Variants in LGSN observed in about 807,000 individuals in gnomAD.
LGSN encodes lengsin, lens protein with glutamine synthetase domain.
In LGSN, 21 loss-of-function variants were observed where a neutral mutation model predicts 19.5. The observed-to-expected ratio is 1.07, with a 90% CI of 0.76 to 1.55. The LOEUF (loss-of-function observed/expected upper bound fraction) is 1.55. LGSN is among the 40% of genes most tolerant of loss of function. The pLI, the probability that LGSN is intolerant of heterozygous loss-of-function variation, is 0.00. For synonymous variants in LGSN, 257 were observed against 215.6 expected, an observed-to-expected ratio of 1.19 and a Z score of -1.68; for missense variants, 673 against 608.5, an observed-to-expected ratio of 1.11 and a Z score of -1.12.
the LGSN span, among the ~76,000 whole-genome samples, chr6:63,431,614 TTAAG>T: frequency 1.3e-5 from 2 of 152,186 alleles, no homozygotes; most frequent in African/African-American, 2.4e-5. Context: ...AATATAGATA[TTAAG>T]TATCTTTCTT....
chr6:63,467,422 A>G, the LGSN span, among the ~76,000 whole-genome samples: 1 of 152,168 alleles, frequency 6.6e-6, no homozygotes, highest in East Asian at 1.9e-4. Context: ...TAGTGCTGCA[A>G]TAACAAAATA....
the LGSN span, among the ~76,000 whole-genome samples, chr6:63,501,530 C>T: frequency 6.6e-6 from 1 of 152,044 alleles, no homozygotes; most frequent in South Asian, 2.1e-4. Flanking sequence ...AAACTGCATC[C>T]TTGATGAACT....
chr6:63,433,997 G>T, the LGSN span, among the ~76,000 whole-genome samples: 1 of 152,168 alleles, frequency 6.6e-6, no homozygotes. Flanking sequence ...AAAGGAGTAG[G>T]CAGTGTTAAG....
In LGSN at chr6:63,279,569, G is replaced by A. The variant is rs759319525; in HGVS notation, c.*452C>T. 11 of 152,774 alleles carry A rather than the reference G, an allele frequency of 7.2e-5. No homozygotes were observed. Among genetic ancestry groups the A allele is most frequent in the Admixed American group, 2.6e-4 (4 of 15,318 alleles). 9.5% of individuals were successfully genotyped at this position (152,774 alleles called of 1,614,324 possible). A position where few individuals can be genotyped will look rare whatever the true frequency, so the allele number is the denominator to read the frequency against. On this transcript the variant is annotated 3_prime_UTR_variant, in exon 4 of 4. Transcript: ENST00000370657. ...GGATTCACAATATTATTTGATTAGC[G>A]AGACTATATTAGTATATTTGTCTCC... is the stretch of plus-strand genomic sequence containing the variant.
At chr6:63,285,333 T>TA (rs1158206199) in intron 3 of LGSN, among the ~76,000 whole-genome samples, 1 of 152,184 alleles carries the variant, frequency 6.6e-6, no homozygotes, top group Non-Finnish European at 1.5e-5. Flanking sequence ...AAGGCAGGAC[T>TA]AAAATTACCA....
At chr6:63,508,301 C>G in the LGSN span, among the ~76,000 whole-genome samples, 6 of 152,276 alleles carry the variant, frequency 3.9e-5, no homozygotes, top group South Asian at 6.2e-4. Flanking sequence ...ATAGAGATAG[C>G]CAGATGGCTG....
the LGSN span, among the ~76,000 whole-genome samples, chr6:63,538,341 G>C: frequency 1.3e-5 from 2 of 152,210 alleles, no homozygotes; most frequent in African/African-American, 4.8e-5. Flanking sequence ...CATTGTTACA[G>C]GGATTTCCAT....
intron 1 of LGSN, among the ~76,000 whole-genome samples, chr6:63,298,302 TTGTA>T (rs1441300362): frequency 6.6e-6 from 1 of 152,216 alleles, no homozygotes; most frequent in Admixed American, 6.5e-5. Context: ...CTATCTGAAT[TTGTA>T]TGGGCACATT....
chr6:63,325,894 G>A, the LGSN span, among the ~76,000 whole-genome samples: 3 of 152,114 alleles, frequency 2.0e-5, no homozygotes, highest in Admixed American at 2.0e-4. Context: ...AGTGTGGAAG[G>A]GGACCCGAGT....
At chr6:63,525,698 A>T in the LGSN span, among the ~76,000 whole-genome samples, 1 of 151,584 alleles carries the variant, frequency 6.6e-6, no homozygotes, top group Non-Finnish European at 1.5e-5. Context: ...CCAACCTTTC[A>T]CCTTTCCCCC....
At chr6:63,287,826 G>T (rs1305277857) in intron 2 of LGSN, among the ~76,000 whole-genome samples, 2 of 152,034 alleles carry the variant, frequency 1.3e-5, no homozygotes, top group African/African-American at 4.8e-5. Context: ...AATTTTATTG[G>T]TTCACTAGTA....
chr6:63,353,670 A>C, the LGSN span, among the ~76,000 whole-genome samples: 2 of 152,102 alleles, frequency 1.3e-5, no homozygotes, highest in Non-Finnish European at 2.9e-5. Flanking sequence ...GAAACCAAAA[A>C]AGAGCCTGAG....
the LGSN span, among the ~76,000 whole-genome samples, chr6:63,352,825 G>A: frequency 6.6e-6 from 1 of 152,032 alleles, no homozygotes; most frequent in African/African-American, 2.4e-5. Context: ...TTAGATAAGA[G>A]TAAGGATTAA....
chr6:63,312,874 C>A (rs1323162350), intron 1 of LGSN, among the ~76,000 whole-genome samples: 1 of 152,118 alleles, frequency 6.6e-6, no homozygotes, highest in African/African-American at 2.4e-5. Context: ...TGAAAAATGA[C>A]AACCACATTT....
chr6:63,392,464 T>A, the LGSN span: 1 of 152,380 alleles, frequency 6.6e-6, no homozygotes, highest in Non-Finnish European at 1.5e-5. Flanking sequence ...CTGGCCACCC[T>A]ACTCCTGGCT....
At chr6:63,305,323 T>G (rs1483460826) in intron 1 of LGSN, among the ~76,000 whole-genome samples, 1 of 152,118 alleles carries the variant, frequency 6.6e-6, no homozygotes, top group Non-Finnish European at 1.5e-5. Context: ...TGAGACCAAA[T>G]AAGTCCATTT....
the LGSN span, among the ~76,000 whole-genome samples, chr6:63,467,083 A>G: frequency 6.6e-6 from 1 of 152,166 alleles, no homozygotes; most frequent in African/African-American, 2.4e-5. Context: ...GCAGCACTCC[A>G]CCATTAAAGG....
the LGSN span, among the ~76,000 whole-genome samples, chr6:63,564,133 G>A: frequency 1.8e-3 from 280 of 152,092 alleles, 1 homozygote; most frequent in African/African-American, 6.5e-3. Flanking sequence ...AAATTAGCCG[G>A]GTGTGGTGGC....
chr6:63,433,904 G>T, the LGSN span, among the ~76,000 whole-genome samples: 10 of 152,152 alleles, frequency 6.6e-5, no homozygotes, highest in African/African-American at 2.4e-4. Flanking sequence ...TCTCCCTGTG[G>T]AGGAACCTCT....
Sources: allele counts gnomAD v4.1 joint callset (sites outside exome capture counted in the v4.1 genomes callset), GRCh38; gene constraint gnomAD v4.1.1; transcripts MANE v1.5; gene names NCBI Gene and HGNC (gene_info 2026-07-23, HGNC 2026-07-21).